PLPP2: variants seen among roughly 807,000 people sequenced by gnomAD.
The protein encoded by PLPP2 is PAP2-gamma.
In PLPP2, 29 loss-of-function variants were observed where a neutral mutation model predicts 35.2. That is an observed-to-expected ratio of 0.82 (90% CI 0.61 to 1.12). PLPP2 has a LOEUF of 1.12. Among genes scored for constraint, PLPP2 ranks in the 50% most tolerant of loss-of-function variants. The pLI is 0.00. For missense variants in PLPP2, 353 were observed against 375.2 expected (o/e 0.94, Z 0.49); for synonymous variants, 162 against 167.0 (o/e 0.97, Z 0.23).
intron 1 of PLPP2, 174 bp downstream of exon 1, chr19:291,111 C>T (rs571214908): frequency 2.2e-6 from 3 of 1,353,400 alleles, no homozygotes; most frequent in African/African-American, 3.1e-5. Flanking sequence ...TGGGAGGGCG[C>T]GCGCAGTGCG....
chr19:284,816 A>G (rs1970242007), intron 3 of PLPP2: 1 of 152,090 alleles, frequency 6.6e-6, no homozygotes, highest in African/African-American at 2.4e-5. Flanking sequence ...AAGACAATGA[A>G]CTTGAAAATA....
chr19:282,457 C>G, intron 4 of PLPP2, 147 bp from the exon 5 acceptor site: 2 of 631,892 alleles, frequency 3.2e-6, no homozygotes, highest in Non-Finnish European at 5.3e-6. Flanking sequence ...GGCGCTCCCC[C>G]TCCCCCTGCA....
chr19:290,908 G>T (rs1970376946), intron 1 of PLPP2: 1 of 1,216,518 alleles, frequency 8.2e-7, no homozygotes, highest in South Asian at 4.1e-5. Context: ...GTCCTGCCGG[G>T]GTAACCCGCG....
Position 281,535 on chromosome 19 carries a change from G to C in PLPP2, c.720C>G (p.Val240=), listed in dbSNP as rs753254808. Residue 240 remains valine (V), a splice_region_variant and synonymous_variant, in exon 6 of 6, where the codon GTC becomes GTG. Transcript: ENST00000434325. ...LQGALVAALT[V]CYISDFFKAR... is the part of the protein sequence containing the mutation. ...CTTTGAAGAAGTCTGAGATGTAGCA[G>C]ACCTGGTAGAGCAGAGGGTGGTGAG... The C allele has an allele frequency of 1.9e-5, 28 of 1,492,824 alleles. No homozygotes were observed. The highest frequency in any genetic ancestry group is 2.5e-5 in the Non-Finnish European group (28 of 1,117,832). The allele number at this position is 1,492,824 out of a possible 1,614,324, so 92.5% of individuals were successfully genotyped here.
Position 281,395 on chromosome 19 carries a change from G to C in PLPP2, c.860C>G (p.Ser287Cys). The C allele has an allele frequency of 7.1e-7, 1 of 1,409,026 alleles. No homozygotes were observed. Among genetic ancestry groups the C allele is most frequent in the Non-Finnish European group, 9.3e-7 (1 of 1,073,032 alleles). 87.3% of individuals were successfully genotyped at this position (1,409,026 alleles called of 1,614,324 possible). The part of the protein sequence containing the change: ...DHNHYGYPHS[S>C]S ...CCTGGGCGGGGTCCGGCCTCAGGAG[G>C]AGGAGTGCGGGTATCCATAGTGGTT... Residue 287 changes from serine to cysteine, a missense_variant, in exon 6 of 6, where the codon TCC (serine) becomes TGC (cysteine). Transcript: ENST00000434325.
At chr19:290,671 G>C (rs1288554843) in intron 1 of PLPP2, among the ~76,000 whole-genome samples, 1 of 152,186 alleles carries the variant, frequency 6.6e-6, no homozygotes, top group Admixed American at 6.5e-5. Context: ...CAAACCCGCC[G>C]GACAGGTTTG....
Position 287,709 on chromosome 19 carries a change from A to T in PLPP2, c.247T>A (p.Tyr83Asn). 1 of 1,613,920 alleles carries T rather than the reference A, an allele frequency of 6.2e-7. No homozygotes were observed. Among genetic ancestry groups the T allele is most frequent in the South Asian group, 1.1e-5 (1 of 91,088 alleles). ...EAYLVYTDRL[Y>N]SRSDFNNYVA... is the part of the protein sequence containing the mutation. ...TAGTTGTTGAAGTCCGAGCGAGAAT[A>T]GAGCCGGTCTGTGTACACCAGGTAG... The change falls in exon 3 of 6, where the codon TAT (tyrosine) becomes AAT (asparagine). Residue 83 changes from tyrosine to asparagine, a missense_variant. Coordinates refer to ENST00000434325, the MANE Select transcript of PLPP2 (RefSeq NM_003712.4). This position sits in a 1 kb window ranked among gnomAD's most constrained non-coding sequence, Gnocchi z 4.3.
chr19:290,952 C>A (rs958428917), intron 1 of PLPP2: 1 of 1,235,136 alleles, frequency 8.1e-7, no homozygotes, highest in South Asian at 3.9e-5. Flanking sequence ...CGTGACTCAC[C>A]TCCCAGGCCA....
Position 287,662 on chromosome 19 carries a change from C to A in PLPP2, c.294G>T (p.Val98=). ...FNNYVAAVYK[V]LGTFLFGAAV... is the part of the protein sequence containing the mutation. ...CAGCCCCAAACAGGAAGGTCCCCAG[C>A]ACCTTGTATACAGCAGCCACGTAGT... The change falls in exon 3 of 6, where the codon GTG becomes GTT. Residue 98 remains valine (V), a synonymous_variant. Coordinates refer to ENST00000434325, the MANE Select transcript of PLPP2 (RefSeq NM_003712.4). The surrounding 1 kb of genome is among the most constrained non-coding windows in gnomAD (Gnocchi z 4.3). 6.2e-7 allele frequency: 1 copy of A among 1,613,972 alleles called. No homozygotes were observed. Among genetic ancestry groups the A allele is most frequent in the Non-Finnish European group, 8.5e-7 (1 of 1,180,040 alleles).
In PLPP2 at chr19:291,353, G is replaced by A. The variant is rs750023683; in HGVS notation, c.-17C>T. 6.3e-7 allele frequency: 1 copy of A among 1,587,802 alleles called. No individual in the cohort carries two copies. Among genetic ancestry groups the A allele is most frequent in the Admixed American group, 1.7e-5 (1 of 57,856 alleles). On this transcript the variant is annotated 5_prime_UTR_variant, in exon 1 of 6. Transcript: ENST00000434325. ...CCGCTGCATGGTCCCCGCGACCCCC[G>A]ACGCCGGTCCCAGCGCGTCCCGTCG...
intron 1 of PLPP2, chr19:291,071 C>G (rs1041570249): frequency 7.5e-7 from 1 of 1,327,266 alleles, no homozygotes; most frequent in African/African-American, 1.5e-5. Context: ...CCCCATCCCC[C>G]TGGGCCTGGG....
chr19:283,665 A>C (rs1600078335), intron 3 of PLPP2: 2 of 152,268 alleles, frequency 1.3e-5, no homozygotes, highest in Non-Finnish European at 1.5e-5. Flanking sequence ...GCAGGAGCTC[A>C]GGAGAGGCCT....
In PLPP2 at chr19:282,245, G is replaced by A. The variant is rs770280514; in HGVS notation, c.606C>T (p.Phe202=). 3 of 1,613,782 alleles carry A rather than the reference G, an allele frequency of 1.9e-6. No individual in the cohort carries two copies. In the African/African-American group the frequency reaches 4.0e-5, roughly 22 times the overall value. Residue 202 remains phenylalanine (F), a synonymous_variant, in exon 5 of 6, where the codon TTC becomes TTT. Coordinates refer to ENST00000434325, the MANE Select transcript of PLPP2 (RefSeq NM_003712.4). ...CCACGTAGAGGGCAAAGGCCACCAG[G>A]AAGAACTGGACTGTGGGTCGCAGCA... ...ARLLRPTVQF[F]LVAFALYVGY...
intron 1 of PLPP2, among the ~76,000 whole-genome samples, chr19:289,869 A>C (rs1010553172): frequency 6.6e-6 from 1 of 151,934 alleles, no homozygotes. Context: ...GTGGAAAGTC[A>C]GGGTTACGAG....
At chr19:290,700 C>A (rs1301382839) in intron 1 of PLPP2, among the ~76,000 whole-genome samples, 1 of 152,194 alleles carries the variant, frequency 6.6e-6, no homozygotes, top group African/African-American at 2.4e-5. Context: ...GGCCTCCCGG[C>A]CCCCCGCCAC....
At chr19:289,042 G>A (rs976713144) in intron 1 of PLPP2, among the ~76,000 whole-genome samples, 6 of 152,170 alleles carry the variant, frequency 3.9e-5, no homozygotes, top group Non-Finnish European at 8.8e-5. Flanking sequence ...TGGCCTCAGG[G>A]ATCAAAGACA....
chr19:291,113 CGCAGT>C, intron 1 of PLPP2, 167 bp downstream of exon 1: 1 of 1,354,738 alleles, frequency 7.4e-7, no homozygotes, highest in African/African-American at 1.5e-5. Flanking sequence ...GGAGGGCGCG[CGCAGT>C]GCGGGGCGCG....
chr19:287,397 G>T lies in PLPP2; in HGVS notation c.482+77C>A. The T allele has an allele frequency of 1.3e-6, 2 of 1,529,674 alleles. No homozygotes were observed. The highest frequency in any genetic ancestry group is 8.8e-7 in the Non-Finnish European group (1 of 1,136,568). The allele number at this position is 1,529,674 out of a possible 1,614,324, so 94.8% of individuals were successfully genotyped here. On this transcript the variant is annotated intron_variant, in intron 3 of 5. Transcript: ENST00000434325. The surrounding 1 kb of genome is among the most constrained non-coding windows in gnomAD (Gnocchi z 4.3). ...CGCCTGTAGTCTCAGCTGCCTGCTG[G>T]CTCTTCATGATTTGGCTCCAGGGCC...
At chr19:282,622 T>C (rs748902310) in intron 4 of PLPP2, 130 bp downstream of exon 4, 120 of 1,038,078 alleles carry the variant, frequency 1.2e-4, no homozygotes, top group Non-Finnish European at 1.5e-4. Context: ...CCCGTTTTTA[T>C]AAACAAATCA....
Sources: gnomAD v4.1 joint callset for allele counts (sites outside exome capture counted in the v4.1 genomes callset) on GRCh38, gnomAD v4.1.1 for gene constraint, Gnocchi (gnomAD v3.1) non-coding constraint, MANE v1.5 for transcripts, NCBI Gene and HGNC (gene_info 2026-07-23, HGNC 2026-07-21) for gene names.